Variants in RNF128 observed in about 807,000 individuals in gnomAD.
RNF128 encodes E3 ubiquitin-protein ligase RNF128.
A neutral mutation model predicts 26.2 loss-of-function variants in RNF128; 13 were observed. The observed-to-expected ratio is 0.50, with a 90% CI of 0.32 to 0.79. RNF128 has a LOEUF of 0.79. Among genes scored for constraint, RNF128 ranks in the 30% least tolerant of loss-of-function variants. The probability of loss-of-function intolerance (pLI) is 0.03; values close to 1 mark genes in which losing one functional copy is unlikely to be tolerated. For missense variants in RNF128, 315 were observed against 349.7 expected (o/e 0.90, Z 0.79); for synonymous variants, 149 against 142.5 (o/e 1.05, Z -0.32).
chrX:106,721,828 G>A (rs1477389806), upstream of RNF128, among the ~76,000 whole-genome samples: 1 of 111,873 alleles, frequency 8.9e-6, no homozygotes. Context: ...TAGCTATATG[G>A]ATTTTGGCAG....
intron 1 of RNF128, among the ~76,000 whole-genome samples, chrX:106,768,285 G>C (rs751979338): frequency 8.0e-5 from 9 of 111,901 alleles, no homozygotes; most frequent in Non-Finnish European, 1.1e-4. Context: ...GTTTCAGAAG[G>C]AATGGTACCA....
chrX:106,744,011 C>A (rs903240589), intron 1 of RNF128, among the ~76,000 whole-genome samples: 1 of 107,415 alleles, frequency 9.3e-6, no homozygotes, highest in Non-Finnish European at 1.9e-5. Context: ...GGACAAAAAA[C>A]CAAACATCGC....
intron 2 of RNF128, among the ~76,000 whole-genome samples, chrX:106,782,683 G>A (rs140462246): frequency 1.6e-3 from 184 of 111,523 alleles, no homozygotes; most frequent in African/African-American, 5.9e-3. Flanking sequence ...ATGAGGTAAT[G>A]GATATAAAAA....
intron 1 of RNF128, among the ~76,000 whole-genome samples, chrX:106,735,911 A>G (rs1309042478): frequency 1.8e-5 from 2 of 109,106 alleles, no homozygotes; most frequent in Admixed American, 2.0e-4. Flanking sequence ...CCTCCCCCCA[A>G]CACACACACA....
At chrX:106,724,695 C>A (rs1384953214), upstream of RNF128, among the ~76,000 whole-genome samples, 1 of 112,214 alleles carries the variant, frequency 8.9e-6, no homozygotes, top group Non-Finnish European at 1.9e-5. Flanking sequence ...CCAGGTCTAA[C>A]CTCCTCTGGG....
intron 2 of RNF128, among the ~76,000 whole-genome samples, chrX:106,778,727 T>C (rs1304856761): frequency 1.8e-5 from 2 of 111,807 alleles, no homozygotes; most frequent in African/African-American, 6.5e-5. Context: ...GGCAGAGATA[T>C]GCCACACATT....
intron 4 of RNF128, 46 bp downstream of exon 4, chrX:106,788,046 C>G: frequency 1.3e-5 from 10 of 756,989 alleles, no homozygotes; most frequent in Non-Finnish European, 1.9e-5. Flanking sequence ...AGCTGACCCA[C>G]AAAAATGACT....
At position 106,795,570 on chromosome X, in the gene RNF128, CT is replaced by C; in HGVS notation, c.1154-5del. 8.5e-7 allele frequency: 1 copy of C among 1,173,258 alleles called. No homozygotes were observed. Among genetic ancestry groups the C allele is most frequent in the South Asian group, 2.0e-5 (1 of 48,890 alleles). On this transcript the variant is annotated splice_polypyrimidine_tract_variant and intron_variant, in intron 6 of 6. Transcript: ENST00000255499. Reference sequence around the variant, plus strand: ...CAAAATCATCCTAAAATTGCTATTTCTTTTTAAAGATGAAAGTCTACAGCTG... The same window carrying C: ...CAAAATCATCCTAAAATTGCTATTTCTTTTAAAGATGAAAGTCTACAGCTG...
intron 1 of RNF128, among the ~76,000 whole-genome samples, chrX:106,698,153 G>C (rs746854017): frequency 1.9e-5 from 2 of 105,350 alleles, no homozygotes; most frequent in South Asian, 8.8e-4. Context: ...TCAAGCAGAA[G>C]ACGCGTAACA....
Position 106,744,477 on chromosome X carries a change from A to AAT in RNF128, c.484+17093_484+17094dup, listed in dbSNP as rs767816803. Reference sequence around the variant, plus strand: ...CATGAACTTATGATTATTTTAAATGAATATATATATATATTGAGATGGAGT... The same window carrying AAT: ...CATGAACTTATGATTATTTTAAATGAATATATATATATATATTGAGATGGAGT... On this transcript the variant is annotated intron_variant, in intron 1 of 6. Coordinates refer to ENST00000255499, the MANE Select transcript of RNF128 (RefSeq NM_194463.2). 6.5e-3 allele frequency among the ~76,000 whole-genome samples: 712 copies of AAT among 110,046 alleles called. 1 individual carries two copies. Among genetic ancestry groups the AAT allele is most frequent in the African/African-American group, 0.022 (656 of 30,333 alleles).
At chrX:106,694,325 C>G in exon 1 of RNF128, 3 of 1,210,073 alleles carry the variant, frequency 2.5e-6, no homozygotes, top group Non-Finnish European at 3.4e-6. Flanking sequence ...AAAATTCAAA[C>G]AGCGGGCAGA....
rs1283709619 is a variant in RNF128, at chrX:106,726,935, G to C, written c.22G>C (p.Gly8Arg). MGPPPGA[G>R]VSCRGGCGFS... ...CGCCATGGGGCCGCCGCCTGGGGCC[G>C]GGGTCTCCTGCCGCGGTGGCTGCGG... The change falls in exon 1 of 7, where the codon GGG (glycine) becomes CGG (arginine). Residue 8 changes from glycine (G) to arginine (R), a missense_variant. Coordinates refer to ENST00000255499, the MANE Select transcript of RNF128 (RefSeq NM_194463.2). The C allele has an allele frequency of 2.5e-6, 3 of 1,179,524 alleles. No homozygotes were observed. The highest frequency in any genetic ancestry group is 6.2e-5 in the East Asian group (2 of 32,194).
At chrX:106,733,322 C>A (rs963584370) in intron 1 of RNF128, among the ~76,000 whole-genome samples, 2 of 110,931 alleles carry the variant, frequency 1.8e-5, no homozygotes, top group African/African-American at 3.3e-5. Flanking sequence ...AATAACTTTT[C>A]CCCCCTCAGT....
intron 2 of RNF128, among the ~76,000 whole-genome samples, chrX:106,780,035 C>T (rs113031944): frequency 9.0e-6 from 1 of 111,378 alleles, no homozygotes; most frequent in South Asian, 3.7e-4. Flanking sequence ...AATATGGTGA[C>T]TTAAGTACAG....
At position 106,791,134 on chromosome X, in the gene RNF128, C is replaced by T. The variant is rs747203326; in HGVS notation, c.1053C>T (p.Ser351=). ...CCAATGAAATATCTAATAGTGCCTC[C>T]TCCCATGAAGAGGATAATCGCAGCG... is the stretch of plus-strand genomic sequence containing the variant. ...PVSNEISNSA[S]SHEEDNRSET... is the part of the protein sequence containing the mutation. Residue 351 remains serine (S), a synonymous_variant, in exon 6 of 7, where the codon TCC becomes TCT. Coordinates refer to ENST00000255499, the MANE Select transcript of RNF128 (RefSeq NM_194463.2). The T allele has an allele frequency of 5.6e-5, 67 of 1,205,448 alleles. No individual in the cohort carries two copies. Among genetic ancestry groups the T allele is most frequent in the Non-Finnish European group, 6.6e-5 (59 of 891,887 alleles).
intron 1 of RNF128, among the ~76,000 whole-genome samples, chrX:106,766,161 T>C (rs1930231673): frequency 1.8e-5 from 2 of 112,144 alleles, no homozygotes; most frequent in African/African-American, 6.5e-5. Context: ...TTGTGAATAG[T>C]GCCGAAATAA....
rs78209834 is a variant in RNF128 at position 106,754,600 on chromosome X, C to T, written c.485-18313C>T. Reference sequence around the variant, plus strand: ...TTGAAATATCAAGCATCTTCTCTAACCACAATGGAATAAAACTAAGTCAAT... The same window carrying T: ...TTGAAATATCAAGCATCTTCTCTAATCACAATGGAATAAAACTAAGTCAAT... On this transcript the variant is annotated intron_variant, in intron 1 of 6. Coordinates refer to ENST00000255499, the MANE Select transcript of RNF128 (RefSeq NM_194463.2). Among the ~76,000 whole-genome samples the T allele has an allele frequency of 4.0e-3, 428 of 107,795 alleles. 3 individuals carry two copies. Among genetic ancestry groups the T allele is most frequent in the Non-Finnish European group, 5.0e-3 (259 of 52,197 alleles). The allele number at this position is 107,795 out of a possible 115,157, so 93.6% of individuals were successfully genotyped here.
At chrX:106,791,668 G>C (rs757395794) in intron 6 of RNF128, among the ~76,000 whole-genome samples, 1 of 111,263 alleles carries the variant, frequency 9.0e-6, no homozygotes, top group African/African-American at 3.3e-5. Flanking sequence ...CCCATGTTTT[G>C]CAAGTAGGAA....
intron 1 of RNF128, among the ~76,000 whole-genome samples, chrX:106,729,765 T>C (rs1929471138): frequency 1.8e-5 from 2 of 111,977 alleles, no homozygotes; most frequent in Admixed American, 1.9e-4. Context: ...GAAAAACTAT[T>C]TTTCAATATA....
Sources: allele counts gnomAD v4.1 joint callset (sites outside exome capture counted in the v4.1 genomes callset), GRCh38; gene constraint gnomAD v4.1.1; transcripts MANE v1.5; gene names NCBI Gene and HGNC (gene_info 2026-07-23, HGNC 2026-07-21).